Variants in NLGN4Y observed in about 807,000 individuals in gnomAD.
NLGN4Y encodes the protein neuroligin-4, Y-linked.
A neutral mutation model predicts 8.4 loss-of-function variants in NLGN4Y; 4 were observed. The observed-to-expected ratio is 0.48, with a 90% CI of 0.23 to 1.09. The LOEUF (loss-of-function observed/expected upper bound fraction) is 1.09, where lower values mean the gene tolerates loss of function less well. NLGN4Y is among the 50% of genes least tolerant of loss of function. The pLI is 0.19. For missense variants in NLGN4Y, 90 were observed against 192.3 expected, an observed-to-expected ratio of 0.47 and a Z score of 3.15; for synonymous variants, 35 against 75.6, an observed-to-expected ratio of 0.46 and a Z score of 2.78.
intron 4 of NLGN4Y, among the ~76,000 whole-genome samples, chrY:14,748,903 AGAAAG>A (rs2081032523): frequency 1.5e-3 from 12 of 8,268 alleles, no homozygotes; most frequent in African/African-American, 0.01. Context: ...AGAAAAAAAA[AGAAAG>A]AAAGAAAGAA....
intron 2 of NLGN4Y, among the ~76,000 whole-genome samples, chrY:14,651,191 T>C: frequency 3.0e-5 from 1 of 33,872 alleles, no homozygotes; most frequent in Non-Finnish European, 7.3e-5. Context: ...GTTTTCCATC[T>C]TCAACATTCC....
chrY:14,593,821 T>C, intron 1 of NLGN4Y, among the ~76,000 whole-genome samples: 1 of 33,519 alleles, frequency 3.0e-5, no homozygotes, highest in Admixed American at 2.7e-4. Context: ...CCTTTCAGAT[T>C]GTCCTTCCAA....
chrY:14,705,375 A>C (rs2080873358), intron 2 of NLGN4Y, among the ~76,000 whole-genome samples: 1 of 33,377 alleles, frequency 3.0e-5, no homozygotes, highest in African/African-American at 1.2e-4. Flanking sequence ...TATCAGAAGC[A>C]AGGAAAACAT....
chrY:14,678,652 T>C, intron 2 of NLGN4Y, among the ~76,000 whole-genome samples: 2 of 32,810 alleles, frequency 6.1e-5, no homozygotes, highest in Admixed American at 5.7e-4. Flanking sequence ...CCCACGACCC[T>C]TTCCAAACTA....
intron 4 of NLGN4Y, among the ~76,000 whole-genome samples, chrY:14,731,159 T>C (rs2080971060): frequency 6.3e-5 from 2 of 31,615 alleles, no homozygotes; most frequent in African/African-American, 2.5e-4. Context: ...CTCAGCCTCC[T>C]GAGTAGCTGG....
At chrY:14,609,760 A>G (rs780130291) in intron 1 of NLGN4Y, among the ~76,000 whole-genome samples, 1 of 33,145 alleles carries the variant, frequency 3.0e-5, no homozygotes, top group East Asian at 7.9e-4. Context: ...CTGTTTTTCT[A>G]TTGTTTGGAA....
chrY:14,596,606 G>T (rs2080398941), intron 1 of NLGN4Y, among the ~76,000 whole-genome samples: 1 of 33,209 alleles, frequency 3.0e-5, no homozygotes, highest in East Asian at 8.2e-4. Flanking sequence ...CAGAAGTACA[G>T]AAAAAGCAGA....
At chrY:14,546,472 C>T (rs2080172874) in intron 1 of NLGN4Y, among the ~76,000 whole-genome samples, 2 of 30,652 alleles carry the variant, frequency 6.5e-5, no homozygotes, top group Non-Finnish European at 7.8e-5. Flanking sequence ...GTTTGTAGTT[C>T]TCCTTGAAGA....
chrY:14,757,542 C>T (rs2081065548), intron 4 of NLGN4Y, among the ~76,000 whole-genome samples: 1 of 32,753 alleles, frequency 3.1e-5, no homozygotes, highest in East Asian at 8.0e-4. Flanking sequence ...TGCATATATT[C>T]AGCATTCTCA....
chrY:14,557,638 G>A (rs2080214603), intron 1 of NLGN4Y, among the ~76,000 whole-genome samples: 1 of 33,311 alleles, frequency 3.0e-5, no homozygotes, highest in African/African-American at 1.2e-4. Flanking sequence ...TAACAGGAAG[G>A]GGTTAAAAAC....
chrY:14,600,080 TTC>T (rs2080421281), intron 1 of NLGN4Y, among the ~76,000 whole-genome samples: 2 of 32,192 alleles, frequency 6.2e-5, no homozygotes, highest in Non-Finnish European at 1.5e-4. Flanking sequence ...ATTTGTCAAT[TTC>T]TCTCTCTCTT....
chrY:14,631,453 C>G (rs2080549198), intron 2 of NLGN4Y, among the ~76,000 whole-genome samples: 1 of 34,088 alleles, frequency 2.9e-5, no homozygotes, highest in Non-Finnish European at 7.3e-5. Context: ...ATCTCAGGCT[C>G]CAGAATTCTG....
At chrY:14,822,172 A>G (rs930776831) in intron 4 of NLGN4Y, among the ~76,000 whole-genome samples, 1 of 34,311 alleles carries the variant, frequency 2.9e-5, no homozygotes, top group Non-Finnish European at 7.3e-5. Flanking sequence ...GAAAATTCCA[A>G]TGCAGAAACT....
At chrY:14,792,829 AC>A (rs2042990662) in intron 4 of NLGN4Y, among the ~76,000 whole-genome samples, 2 of 10,231 alleles carry the variant, frequency 2.0e-4, no homozygotes, top group Non-Finnish European at 3.9e-4. Context: ...AAAAAATTCA[AC>A]TACATGTAGA....
rs763739613 is a variant in NLGN4Y, at chrY:14,678,363, G to A, written c.473-41096G>A. 1.3e-3 allele frequency among the ~76,000 whole-genome samples: 42 copies of A among 33,357 alleles called. No individual in the cohort carries two copies. The South Asian group carries it at 0.028, about 23-fold the overall frequency. 89.5% of individuals were successfully genotyped at this position (33,357 alleles called of 37,273 possible). The stretch of plus-strand genomic sequence containing the variant: ...CCCATGGTGTTTCTTCTCATGCATT[G>A]ATAATAAAACTTCTTTATTGATTGC... On this transcript the variant is annotated intron_variant, in intron 2 of 6. Coordinates refer to ENST00000684976, the MANE Select transcript of NLGN4Y (RefSeq NM_001365588.1).
intron 1 of NLGN4Y, among the ~76,000 whole-genome samples, chrY:14,546,174 C>G: frequency 5.1e-4 from 16 of 31,284 alleles, no homozygotes; most frequent in Admixed American, 1.8e-3. Context: ...GTTTTGGTTA[C>G]TGTAGCCTTG....
intron 4 of NLGN4Y, among the ~76,000 whole-genome samples, chrY:14,813,023 T>A: frequency 3.2e-4 from 9 of 27,917 alleles, no homozygotes; most frequent in African/African-American, 1.3e-3. Flanking sequence ...CTCCATCACA[T>A]AATATAGCTA....
chrY:14,806,073 T>C (rs2043056121), intron 4 of NLGN4Y, among the ~76,000 whole-genome samples: 2 of 33,081 alleles, frequency 6.0e-5, no homozygotes, highest in East Asian at 8.0e-4. Context: ...ACCCGGGAGG[T>C]AGAGGTGCAG....
chrY:14,731,033 A>G (rs72611609), intron 4 of NLGN4Y, among the ~76,000 whole-genome samples: 4 of 19,328 alleles, frequency 2.1e-4, no homozygotes, highest in East Asian at 1.5e-3. Context: ...GTGTGTGTGT[A>G]TAGTTCTTGT....
Sources: gnomAD v4.1 joint callset for allele counts (sites outside exome capture counted in the v4.1 genomes callset) on GRCh38, gnomAD v4.1.1 for gene constraint, MANE v1.5 for transcripts, NCBI Gene and HGNC (gene_info 2026-07-23, HGNC 2026-07-21) for gene names.